Variants in WWOX observed in about 807,000 individuals in gnomAD.
The protein encoded by WWOX is WW domain-containing oxidoreductase.
Under a neutral mutation model 46.2 loss-of-function variants are expected in WWOX, and 69 were observed. The observed-to-expected ratio is 1.49, with a 90% CI of 1.23 to 1.82. The LOEUF (loss-of-function observed/expected upper bound fraction) is 1.82, where lower values mean the gene tolerates loss of function less well. WWOX is among the 40% of genes most tolerant of loss of function. The pLI, the probability that WWOX is intolerant of heterozygous loss-of-function variation, is 0.00. For missense variants in WWOX, 919 were observed against 542.6 expected, an observed-to-expected ratio of 1.69 and a Z score of -6.89; for synonymous variants, 359 against 202.6, an observed-to-expected ratio of 1.77 and a Z score of -6.56.
chr16:79,115,171 T>C (rs2049490931), intron 8 of WWOX, among the ~76,000 whole-genome samples: 1 of 152,220 alleles, frequency 6.6e-6, no homozygotes, highest in Admixed American at 6.5e-5. Context: ...AGTATGGTTG[T>C]TGTGCCATGG....
chr16:78,694,067 A>G (rs967748146), intron 8 of WWOX, among the ~76,000 whole-genome samples: 4 of 152,110 alleles, frequency 2.6e-5, no homozygotes, highest in Non-Finnish European at 5.9e-5. Context: ...CCCTGTTTCT[A>G]CTAAAAATAT....
intron 8 of WWOX, among the ~76,000 whole-genome samples, chr16:78,452,459 T>C (rs2083714204): frequency 6.6e-6 from 1 of 150,978 alleles, no homozygotes; most frequent in South Asian, 2.1e-4. Context: ...TAATAAATAC[T>C]TTTTTCTCTC....
At chr16:78,397,101 A>G (rs1001115066) in intron 6 of WWOX, among the ~76,000 whole-genome samples, 3 of 152,218 alleles carry the variant, frequency 2.0e-5, no homozygotes, top group South Asian at 2.1e-4. Flanking sequence ...GTTAATTTCA[A>G]TTCTTTGAAG....
chr16:79,126,096 CTGGAGTTTCACAGAAGAAGGGGCT>C (rs1567567307), intron 8 of WWOX, among the ~76,000 whole-genome samples: 4 of 152,082 alleles, frequency 2.6e-5, no homozygotes. Context: ...ATAATGTGCC[CTGGAGTTTCACAGAAGAAGGGGCT>C]TTCTTCCAGC....
rs73573725 is a variant in WWOX at position 78,757,033 on chromosome 16, G to A, written c.1056+324281G>A. 987 of 702,868 alleles carry A rather than the reference G, an allele frequency of 1.4e-3. 4 individuals carry two copies. The highest frequency in any genetic ancestry group is 0.011 in the African/African-American group (623 of 57,360). 43.5% of individuals were successfully genotyped at this position (702,868 alleles called of 1,614,324 possible). On this transcript the variant is annotated intron_variant, in intron 8 of 8. Transcript: ENST00000566780. ...ACAGCCATGTGAGTGAACCACGTTC[G>A]AAGTTGATTCTGCAGCCCTAGTTAA...
chr16:78,129,385 C>T (rs1290022046), intron 4 of WWOX, among the ~76,000 whole-genome samples: 1 of 152,122 alleles, frequency 6.6e-6, no homozygotes, highest in Non-Finnish European at 1.5e-5. Context: ...AAACTCGGTG[C>T]TTCTATGCTG....
chr16:78,648,941 T>G (rs191471022), intron 8 of WWOX, among the ~76,000 whole-genome samples: 17 of 152,248 alleles, frequency 1.1e-4, no homozygotes, highest in Admixed American at 9.2e-4. Context: ...GTTTGTTTCT[T>G]TGATTGTTTT....
At chr16:79,037,118 G>C (rs1330146186) in intron 8 of WWOX, among the ~76,000 whole-genome samples, 1 of 152,182 alleles carries the variant, frequency 6.6e-6, no homozygotes, top group East Asian at 1.9e-4. Context: ...TTTTCAGTTT[G>C]TAATCTCTCT....
intron 5 of WWOX, among the ~76,000 whole-genome samples, chr16:78,365,119 A>ATGAAGATGCTAATACCTACTTCT (rs1476182815): frequency 6.6e-6 from 1 of 152,198 alleles, no homozygotes. Context: ...CACTTGCAAA[A>ATGAAGATGCTAATACCTACTTCT]TGAAGATGCT....
intron 8 of WWOX, among the ~76,000 whole-genome samples, chr16:79,059,739 G>A (rs1242556267): frequency 3.3e-5 from 5 of 152,102 alleles, no homozygotes; most frequent in Non-Finnish European, 7.4e-5. Context: ...AAATTTGGAG[G>A]CCTTGAGAAA....
chr16:78,837,332 C>A (rs1252619990), intron 8 of WWOX, among the ~76,000 whole-genome samples: 1 of 152,154 alleles, frequency 6.6e-6, no homozygotes, highest in Non-Finnish European at 1.5e-5. Context: ...GCAGTGACTC[C>A]TTTATTCCCT....
chr16:78,285,440 T>TTA, intron 5 of WWOX, among the ~76,000 whole-genome samples: 1 of 142,140 alleles, frequency 7.0e-6, no homozygotes, highest in South Asian at 2.2e-4. Flanking sequence ...CTCTGAAAAA[T>TTA]AAAAACTAAA....
intron 8 of WWOX, among the ~76,000 whole-genome samples, chr16:78,461,507 G>T (rs1262835025): frequency 6.6e-6 from 1 of 152,208 alleles, no homozygotes; most frequent in Non-Finnish European, 1.5e-5. Context: ...TTTTATGAAA[G>T]AAATAAAGGC....
intron 8 of WWOX, among the ~76,000 whole-genome samples, chr16:78,784,456 T>C (rs150264305): frequency 2.2e-3 from 330 of 152,020 alleles, no homozygotes; most frequent in Non-Finnish European, 3.3e-3. Context: ...TCTTACCCAT[T>C]AGGGATTATT....
intron 8 of WWOX, among the ~76,000 whole-genome samples, chr16:78,573,843 A>T (rs1273766304): frequency 3.3e-5 from 5 of 152,216 alleles, no homozygotes; most frequent in Non-Finnish European, 7.3e-5. Context: ...ACATAAATTA[A>T]CACAAATTTT....
At chr16:78,205,652 C>A (rs2036366177) in intron 5 of WWOX, among the ~76,000 whole-genome samples, 1 of 151,922 alleles carries the variant, frequency 6.6e-6, no homozygotes, top group African/African-American at 2.4e-5. Context: ...CATCCATCTA[C>A]CCACTCATCT....
chr16:78,754,043 T>G (rs2142462550), intron 8 of WWOX, among the ~76,000 whole-genome samples: 1 of 151,826 alleles, frequency 6.6e-6, no homozygotes, highest in African/African-American at 2.4e-5. Context: ...CTCTTGTAAT[T>G]ACTCTCATAA....
At chr16:78,150,896 C>T (rs896831024) in intron 4 of WWOX, among the ~76,000 whole-genome samples, 1 of 151,778 alleles carries the variant, frequency 6.6e-6, no homozygotes, top group Non-Finnish European at 1.5e-5. Context: ...TTTTTTTAGA[C>T]AGGGTCTCGC....
chr16:78,394,860 G>T (rs2082250023), intron 6 of WWOX, among the ~76,000 whole-genome samples: 1 of 152,216 alleles, frequency 6.6e-6, no homozygotes, highest in Non-Finnish European at 1.5e-5. Flanking sequence ...TAAAGAACGT[G>T]GGTGTTGGGG....
Sources: gnomAD v4.1 joint callset for allele counts (sites outside exome capture counted in the v4.1 genomes callset) on GRCh38, gnomAD v4.1.1 for gene constraint, MANE v1.5 for transcripts, NCBI Gene and HGNC (gene_info 2026-07-23, HGNC 2026-07-21) for gene names.